Variants in MIB2 observed in about 807,000 individuals in gnomAD.
The protein encoded by MIB2 is MIB E3 ubiquitin protein ligase 2.
MIB2 carries 78 observed loss-of-function variants against 96.6 expected under a neutral mutation model. The observed-to-expected ratio is 0.81, with a 90% CI of 0.67 to 0.97. The LOEUF (loss-of-function observed/expected upper bound fraction) is 0.97, where lower values mean the gene tolerates loss of function less well. Ranked by LOEUF, MIB2 falls within the 50% of genes least tolerant of loss-of-function variation. MIB2 has a pLI of 0.00. For missense variants in MIB2, 1,543 were observed against 1,424.0 expected (o/e 1.08, Z -1.35); for synonymous variants, 820 against 629.5 (o/e 1.30, Z -4.53).
Position 1,630,481 on chromosome 1 carries a change from G to C in MIB2, c.2819G>C (p.Cys940Ser), listed in dbSNP as rs1262926903. The change falls in exon 20 of 20, where the codon TGC (cysteine) becomes TCC (serine). Residue 940 changes from cysteine to serine, a missense_variant. Transcript: ENST00000355826. ...CCCTGCGGCTCCGCGCTCAGCGCCTGCCCCATCTGCCGCCAGCCCATCCGC... is the reference window on the plus strand; with the variant it reads ...CCCTGCGGCTCCGCGCTCAGCGCCTCCCCCATCTGCCGCCAGCCCATCCGC... ...CAPCGSALSA[C>S]PICRQPIRDR... 1 of 1,593,822 alleles carries C rather than the reference G, an allele frequency of 6.3e-7. No homozygotes were observed. The highest frequency in any genetic ancestry group is 1.1e-5 in the South Asian group (1 of 89,676).
intron 2 of MIB2, among the ~76,000 whole-genome samples, chr1:1,620,265 C>T (rs894065425): frequency 1.3e-5 from 2 of 152,214 alleles, no homozygotes; most frequent in African/African-American, 4.8e-5. Flanking sequence ...GAAGGCGCCC[C>T]CTGCTGCAGA....
chr1:1,629,723 C>T lies in MIB2; in HGVS notation c.2629+19C>T. ...CGCCCAGGTGGGTGAGGCTCTGCGC[C>T]CCCAACACGCCTCCTGCTCAGCTGG... is the stretch of plus-strand genomic sequence containing the variant. On this transcript the variant is annotated intron_variant, in intron 19 of 19. Coordinates refer to ENST00000355826, the MANE Select transcript of MIB2 (RefSeq NM_001170687.4). 1 of 1,567,718 alleles carries T rather than the reference C, an allele frequency of 6.4e-7. No homozygotes were observed. The highest frequency in any genetic ancestry group is 8.6e-7 in the Non-Finnish European group (1 of 1,158,250).
Position 1,625,773 on chromosome 1 carries a change from C to A in MIB2, c.972+120C>A. ...CCAGCTGCACCCACGAGTCCCCAGC[C>A]CTGAAGGAAGGGGAGGGACTGGTGG... On this transcript the variant is annotated intron_variant, in intron 8 of 19. Transcript: ENST00000355826. The surrounding 1 kb of genome is among the most constrained non-coding windows in gnomAD (Gnocchi z 5.0). 1 of 805,896 alleles carries A rather than the reference C, an allele frequency of 1.2e-6. No individual in the cohort carries two copies. Among genetic ancestry groups the A allele is most frequent in the Non-Finnish European group, 2.0e-6 (1 of 502,832 alleles). 49.9% of individuals were successfully genotyped at this position (805,896 alleles called of 1,614,324 possible). A position where few individuals can be genotyped will look rare whatever the true frequency, so the allele number is the denominator to read the frequency against.
In MIB2 at chr1:1,628,980, C is replaced by T. The variant is rs1416343010; in HGVS notation, c.2203-153C>T. 1.8e-5 allele frequency: 16 copies of T among 880,910 alleles called. No individual in the cohort carries two copies. In the African/African-American group the frequency reaches 2.8e-4, roughly 15 times the overall value. The allele number at this position is 880,910 out of a possible 1,614,324, so 54.6% of individuals were successfully genotyped here. A position where few individuals can be genotyped will look rare whatever the true frequency, so the allele number is the denominator to read the frequency against. On this transcript the variant is annotated intron_variant, in intron 16 of 19. Coordinates refer to ENST00000355826, the MANE Select transcript of MIB2 (RefSeq NM_001170687.4). ...TCAGAGCTCACCTAGCAGGGCGCCC[C>T]TCCTGCCTGTCCCACTTGGGTTCCG...
At position 1,625,163 on chromosome 1, in the gene MIB2, C is replaced by T; in HGVS notation, c.699C>T (p.Tyr233=). ...CVGEAAGGFY[Y]KDHLPRLGKP... ...GCGAGGCAGCGGGCGGCTTCTACTACAAGGACCACCTCCCAAGGCTCGGTA... is the reference window on the plus strand; with the variant it reads ...GCGAGGCAGCGGGCGGCTTCTACTATAAGGACCACCTCCCAAGGCTCGGTA... The change falls in exon 6 of 20, where the codon TAC becomes TAT. Residue 233 remains tyrosine, a synonymous_variant. Coordinates refer to ENST00000355826, the MANE Select transcript of MIB2 (RefSeq NM_001170687.4). This position sits in a 1 kb window ranked among gnomAD's most constrained non-coding sequence, Gnocchi z 5.0. 1 of 1,611,690 alleles carries T rather than the reference C, an allele frequency of 6.2e-7. No individual in the cohort carries two copies. The highest frequency in any genetic ancestry group is 8.5e-7 in the Non-Finnish European group (1 of 1,179,072).
At chr1:1,627,240 C>T (rs1187152593) in intron 11 of MIB2, 33 bp downstream of exon 11, 7 of 1,612,316 alleles carry the variant, frequency 4.3e-6, no homozygotes, top group East Asian at 4.5e-5. Context: ...CCATACTGGC[C>T]AGTCTGAGAG....
Position 1,623,523 on chromosome 1 carries a change from G to T in MIB2, c.71G>T (p.Gly24Val). 6.4e-7 allele frequency: 1 copy of T among 1,554,384 alleles called. No individual in the cohort carries two copies. Residue 24 changes from glycine to valine, a missense_variant, in exon 3 of 20, where the codon GGC (glycine) becomes GTC (valine). Coordinates refer to ENST00000355826, the MANE Select transcript of MIB2 (RefSeq NM_001170687.4). ...RVVRGVDWKW[G>V]QQDGGEGGVG... ...GTGCGCGGCGTGGACTGGAAGTGGG[G>T]CCAGCAGGACGGCGGCGAGGGCGGC...
At chr1:1,613,973 C>G (rs1217992625), upstream of MIB2, 1 of 151,022 alleles carries the variant, frequency 6.6e-6, no homozygotes, top group Non-Finnish European at 1.5e-5. Context: ...AGGCATGTGG[C>G]GAAAACGTTG....
chr1:1,627,656 A>G lies in MIB2; in HGVS notation c.1524-17A>G. The G allele has an allele frequency of 1.3e-6, 2 of 1,587,162 alleles. No homozygotes were observed. Among genetic ancestry groups the G allele is most frequent in the South Asian group, 2.2e-5 (2 of 89,322 alleles). ...CCGGGCCCGGCGCCCTCCCTCTCCC[A>G]CTTCCTCTCCTGTCAGGAACCAGCC... On this transcript the variant is annotated splice_polypyrimidine_tract_variant and intron_variant, in intron 12 of 19. Coordinates refer to ENST00000355826, the MANE Select transcript of MIB2 (RefSeq NM_001170687.4).
intron 1 of MIB2, chr1:1,616,148 C>T: frequency 1.0e-6 from 1 of 967,472 alleles, no homozygotes; most frequent in East Asian, 1.1e-4. Context: ...GGCCGGGCGG[C>T]CTCCGCGAGC....
intron 2 of MIB2, chr1:1,623,221 C>A: frequency 1.2e-6 from 1 of 805,818 alleles, no homozygotes; most frequent in Non-Finnish European, 1.8e-6. Context: ...GCCAGGCTGG[C>A]ACGGCGCCCG....
chr1:1,628,248 C>T (rs766964091), intron 14 of MIB2, 25 bp from the exon 15 acceptor site: 29 of 1,612,726 alleles, frequency 1.8e-5, no homozygotes, highest in Non-Finnish European at 2.4e-5. Flanking sequence ...GTCCCAGGTC[C>T]CAGACCAACC....
In MIB2 at chr1:1,625,023, A is replaced by G. The variant is rs1047725386; in HGVS notation, c.559A>G (p.Ile187Val). The change falls in exon 6 of 20, where the codon ATC becomes GTC. Residue 187 changes from isoleucine to valine, a missense_variant. Ile to Val is a conservative substitution (Grantham distance 29, BLOSUM62 3). Transcript: ENST00000355826. The surrounding 1 kb of genome is among the most constrained non-coding windows in gnomAD (Gnocchi z 5.0). ...GEGKPGRVVD[I>V]RGWDVETGRS... is the part of the protein sequence containing the mutation. ...AGGGAAACCGGGCCGTGTGGTGGAC[A>G]TCCGTGGCTGGGATGTGGAGACAGG... is the stretch of plus-strand genomic sequence containing the variant. 5 of 1,612,864 alleles carry G rather than the reference A, an allele frequency of 3.1e-6. No individual in the cohort carries two copies. Among genetic ancestry groups the G allele is most frequent in the Admixed American group, 1.7e-5 (1 of 59,992 alleles).
At position 1,625,258 on chromosome 1, in the gene MIB2, C is replaced by T. The variant is rs1382132753; in HGVS notation, c.722-28C>T. ...AGTCCCAGAGGGGAGGGGCCGCTGC[C>T]TGAGGCCTGGTCTGCCACCCTCCGC... On this transcript the variant is annotated intron_variant, in intron 6 of 19. Coordinates refer to ENST00000355826, the MANE Select transcript of MIB2 (RefSeq NM_001170687.4). The surrounding 1 kb of genome is among the most constrained non-coding windows in gnomAD (Gnocchi z 5.0). 6.3e-7 allele frequency: 1 copy of T among 1,597,694 alleles called. No homozygotes were observed. The highest frequency in any genetic ancestry group is 8.5e-7 in the Non-Finnish European group (1 of 1,174,126).
At chr1:1,615,885 C>A (rs1643586682) in intron 1 of MIB2, 5 of 1,068,346 alleles carry the variant, frequency 4.7e-6, no homozygotes, top group African/African-American at 3.4e-5. Flanking sequence ...CGGCCCGGGG[C>A]CAGCGGCGCT....
In MIB2 at chr1:1,626,888, C is replaced by T. The variant is rs372371160; in HGVS notation, c.1129C>T (p.Arg377Cys). 8.5e-5 allele frequency: 136 copies of T among 1,606,634 alleles called. 3 individuals are homozygous for T. The Admixed American group carries it at 1.9e-3, about 22-fold the overall frequency. ...GAAAGTGTTTGGAGACGGGAACCTG[C>T]GTGTAGCAGTCGCTGGTCAGCGGTG... is the stretch of plus-strand genomic sequence containing the variant. ...VVKVFGDGNL[R>C]VAVAGQRWTF... The change falls in exon 10 of 20, where the codon CGT (arginine) becomes TGT (cysteine). Residue 377 changes from arginine to cysteine, a missense_variant. Coordinates refer to ENST00000355826, the MANE Select transcript of MIB2 (RefSeq NM_001170687.4). The surrounding 1 kb of genome is among the most constrained non-coding windows in gnomAD (Gnocchi z 5.3).
rs748072020 is a variant in MIB2 at position 1,625,124 on chromosome 1, C to T, written c.660C>T (p.Asp220=). ...VYRVGHKGKV[D]LKCVGEAAGG... is the part of the protein sequence containing the mutation. Reference sequence around the variant, plus strand: ...GTGTGGGCCACAAGGGCAAGGTGGACCTCAAGTGTGTGGGCGAGGCAGCGG... The same window carrying T: ...GTGTGGGCCACAAGGGCAAGGTGGATCTCAAGTGTGTGGGCGAGGCAGCGG... The change falls in exon 6 of 20, where the codon GAC becomes GAT. Residue 220 remains aspartate, a synonymous_variant. Transcript: ENST00000355826. This position sits in a 1 kb window ranked among gnomAD's most constrained non-coding sequence, Gnocchi z 5.0. 3 of 1,613,184 alleles carry T rather than the reference C, an allele frequency of 1.9e-6. No individual in the cohort carries two copies. Among genetic ancestry groups the T allele is most frequent in the African/African-American group, 2.7e-5 (2 of 74,902 alleles).
Position 1,625,154 on chromosome 1 carries a change from C to T in MIB2, c.690C>T (p.Gly230=). Residue 230 remains glycine, a synonymous_variant, in exon 6 of 20, where the codon GGC becomes GGT. Coordinates refer to ENST00000355826, the MANE Select transcript of MIB2 (RefSeq NM_001170687.4). The surrounding 1 kb of genome is among the most constrained non-coding windows in gnomAD (Gnocchi z 5.0). ...AGTGTGTGGGCGAGGCAGCGGGCGG[C>T]TTCTACTACAAGGACCACCTCCCAA... is the stretch of plus-strand genomic sequence containing the variant. ...DLKCVGEAAG[G]FYYKDHLPRL... 6.2e-7 allele frequency: 1 copy of T among 1,612,360 alleles called. No individual in the cohort carries two copies. The highest frequency in any genetic ancestry group is 8.5e-7 in the Non-Finnish European group (1 of 1,179,458).
intron 2 of MIB2, among the ~76,000 whole-genome samples, chr1:1,621,359 T>TG (rs1644247240): frequency 6.6e-6 from 1 of 152,186 alleles, no homozygotes. Context: ...CAGGAGGCCG[T>TG]GGGGAGGGCA....
Sources: allele counts gnomAD v4.1 joint callset (sites outside exome capture counted in the v4.1 genomes callset), GRCh38; gene constraint gnomAD v4.1.1; non-coding constraint Gnocchi (gnomAD v3.1); transcripts MANE v1.5; gene names NCBI Gene and HGNC (gene_info 2026-07-23, HGNC 2026-07-21).